The following METTL8 variants were observed in gnomAD, a reference collection of about 807,000 sequenced individuals.
METTL8 encodes methyltransferase 8, tRNA N3-cytidine, also known as tRNA N(3)-cytidine methyltransferase METTL8, mitochondrial.
METTL8 carries 32 observed loss-of-function variants against 48.7 expected under a neutral mutation model. The ratio of observed to expected loss-of-function variants is 0.66; its 90% CI spans 0.50 to 0.88. The LOEUF (loss-of-function observed/expected upper bound fraction) is 0.88. Among genes scored for constraint, METTL8 ranks in the 40% least tolerant of loss-of-function variants. The probability of loss-of-function intolerance (pLI) is 0.00; values close to 1 mark genes in which losing one functional copy is unlikely to be tolerated. For synonymous variants in METTL8, 136 were observed against 157.1 expected (o/e 0.87, Z 1.01); for missense variants, 464 against 474.4 (o/e 0.98, Z 0.20).
At chr2:171,350,270 C>T (rs965331007) in intron 3 of METTL8, among the ~76,000 whole-genome samples, 4 of 152,256 alleles carry the variant, frequency 2.6e-5, no homozygotes, top group Non-Finnish European at 4.4e-5. Context: ...GCTTCATCCA[C>T]GTCCCTACAA....
chr2:171,338,762 G>A (rs1055438424), intron 4 of METTL8, among the ~76,000 whole-genome samples: 1 of 151,916 alleles, frequency 6.6e-6, no homozygotes, highest in African/African-American at 2.4e-5. Flanking sequence ...AATATACATT[G>A]CCTTTAAAAT....
upstream of METTL8, chr2:171,434,460 G>A (rs1200884297): frequency 6.7e-7 from 1 of 1,503,046 alleles, no homozygotes; most frequent in Non-Finnish European, 8.9e-7. Flanking sequence ...AGCTTTCCCT[G>A]GGCCCCGCCG....
At chr2:171,365,544 GTTTC>G (rs879913151) in intron 2 of METTL8, among the ~76,000 whole-genome samples, 3 of 152,106 alleles carry the variant, frequency 2.0e-5, no homozygotes, top group Non-Finnish European at 4.4e-5. Flanking sequence ...CTCTTATTCA[GTTTC>G]TTTCTAATTC....
intron 1 of METTL8, among the ~76,000 whole-genome samples, chr2:171,410,217 G>C (rs1690607786): frequency 6.6e-6 from 1 of 152,080 alleles, no homozygotes; most frequent in Admixed American, 6.6e-5. Flanking sequence ...ATTTTCTATA[G>C]GAACATTTTA....
intron 7 of METTL8, among the ~76,000 whole-genome samples, chr2:171,327,731 A>C (rs1685098922): frequency 6.6e-6 from 1 of 152,232 alleles, no homozygotes; most frequent in African/African-American, 2.4e-5. Context: ...GCACATAAGG[A>C]CATAAAAGAA....
intron 3 of METTL8, among the ~76,000 whole-genome samples, chr2:171,347,592 C>A (rs1260132618): frequency 1.3e-5 from 2 of 152,128 alleles, no homozygotes; most frequent in African/African-American, 4.8e-5. Flanking sequence ...TTTTTAACTT[C>A]CTGGAAATGA....
intron 7 of METTL8, chr2:171,326,960 T>C (rs886083272): frequency 2.0e-5 from 3 of 152,216 alleles, no homozygotes; most frequent in Non-Finnish European, 4.4e-5. Context: ...AATTTCTTAG[T>C]TGAGCTCTTA....
chr2:171,432,637 C>T (rs150802374), intron 1 of METTL8, among the ~76,000 whole-genome samples: 1 of 152,304 alleles, frequency 6.6e-6, no homozygotes, highest in East Asian at 1.9e-4. Flanking sequence ...AAGCACTCTA[C>T]CGTATGCTGT....
At chr2:171,415,349 CTTTTTTTT>C (rs762739077) in intron 1 of METTL8, among the ~76,000 whole-genome samples, 5 of 112,398 alleles carry the variant, frequency 4.4e-5, no homozygotes, top group East Asian at 5.0e-4. Flanking sequence ...ATCTCGAAAT[CTTTTTTTT>C]TTTTTTTTTT....
intron 2 of METTL8, among the ~76,000 whole-genome samples, chr2:171,367,096 A>G (rs75825672): frequency 0.031 from 4,699 of 152,226 alleles, 85 homozygotes; most frequent in East Asian, 0.05. Flanking sequence ...AGTAGAAAAG[A>G]GAGACAAAAT....
chr2:171,331,933 T>G (rs1685581574), intron 5 of METTL8, 66 bp from the exon 6 acceptor site: 1 of 1,200,246 alleles, frequency 8.3e-7, no homozygotes, highest in Admixed American at 2.0e-5. Context: ...TTGCCCAGGT[T>G]GGAGTGTAGT....
intron 2 of METTL8, among the ~76,000 whole-genome samples, chr2:171,378,833 A>ATCC (rs1205098976): frequency 6.6e-6 from 1 of 152,168 alleles, no homozygotes; most frequent in African/African-American, 2.4e-5. Flanking sequence ...CCCACTGTCA[A>ATCC]TACTGGACAG....
chr2:171,357,199 T>C (rs1337074902), intron 3 of METTL8, among the ~76,000 whole-genome samples: 1 of 152,080 alleles, frequency 6.6e-6, no homozygotes, highest in African/African-American at 2.4e-5. Flanking sequence ...CCTCAAGTGA[T>C]CTGCCCACCC....
chr2:171,345,346 G>A (rs913659062), intron 3 of METTL8, among the ~76,000 whole-genome samples: 4 of 152,144 alleles, frequency 2.6e-5, no homozygotes, highest in African/African-American at 9.7e-5. Context: ...TATGAATTAT[G>A]AAAATTTATT....
intron 2 of METTL8, among the ~76,000 whole-genome samples, chr2:171,363,344 G>C (rs1685357772): frequency 1.3e-5 from 2 of 151,766 alleles, no homozygotes; most frequent in Non-Finnish European, 2.9e-5. Flanking sequence ...AGAAGAACTG[G>C]ATTCACGTAT....
upstream of METTL8, chr2:171,434,402 C>A: frequency 8.8e-7 from 1 of 1,133,422 alleles, no homozygotes; most frequent in Non-Finnish European, 1.3e-6. Flanking sequence ...AGCGGCTCTG[C>A]TTTCCCTCGC....
At chr2:171,350,568 C>T (rs1190707320) in intron 3 of METTL8, among the ~76,000 whole-genome samples, 1 of 152,306 alleles carries the variant, frequency 6.6e-6, no homozygotes, top group East Asian at 1.9e-4. Flanking sequence ...AACTAGTTTA[C>T]AGTCCCACCG....
intron 3 of METTL8, among the ~76,000 whole-genome samples, chr2:171,350,979 T>G (rs1161404550): frequency 6.6e-6 from 1 of 152,240 alleles, no homozygotes; most frequent in African/African-American, 2.4e-5. Context: ...TAGATCACAT[T>G]TGTCAACTTT....
chr2:171,372,936 A>G lies in METTL8; in HGVS notation c.144-12423T>C, dbSNP rs1050238352. Among the ~76,000 whole-genome samples, 6 of 152,322 alleles carry G rather than the reference A, an allele frequency of 3.9e-5. No homozygotes were observed. In the South Asian group the frequency reaches 1.2e-3, roughly 32 times the overall value. ...CTTTGCTATTGTGAATAGTGCCGCA[A>G]TAAACATACGTGTGCATGTGTCTTT... is the stretch of plus-strand genomic sequence containing the variant. On this transcript the variant is annotated intron_variant, in intron 2 of 9. Coordinates refer to ENST00000375258, the MANE Select transcript of METTL8 (RefSeq NM_001321154.2).
Sources: gnomAD v4.1 joint callset for allele counts (sites outside exome capture counted in the v4.1 genomes callset) on GRCh38, gnomAD v4.1.1 for gene constraint, MANE v1.5 for transcripts, NCBI Gene and HGNC (gene_info 2026-07-23, HGNC 2026-07-21) for gene names.